Variants in PADI4 observed in about 807,000 individuals in gnomAD.
The protein encoded by PADI4 is peptidyl arginine deiminase 4, also known as protein-arginine deiminase type-4.
In PADI4, 62 loss-of-function variants were observed where a neutral mutation model predicts 75.0. The observed-to-expected ratio is 0.83, with a 90% CI of 0.67 to 1.02. The LOEUF is 1.02. Ranked by LOEUF, PADI4 falls within the 50% of genes least tolerant of loss-of-function variation. PADI4 has a pLI of 0.00. For missense variants in PADI4, 845 were observed against 850.5 expected (o/e 0.99, Z 0.08); for synonymous variants, 361 against 348.1 (o/e 1.04, Z -0.41).
intron 14 of PADI4, among the ~76,000 whole-genome samples, 180 bp from the exon 15 acceptor site, chr1:17,359,100 C>T (rs542300015): frequency 6.6e-6 from 1 of 152,136 alleles, no homozygotes; most frequent in South Asian, 2.1e-4. Flanking sequence ...CCCCAGGGTC[C>T]CCCGAGAGCA....
intron 1 of PADI4, among the ~76,000 whole-genome samples, chr1:17,322,810 TTCC>T (rs1479473144): frequency 1.3e-5 from 2 of 152,156 alleles, no homozygotes; most frequent in East Asian, 3.9e-4. Context: ...CCTTCTTTCT[TTCC>T]TTCTTCTTTC....
intron 1 of PADI4, among the ~76,000 whole-genome samples, chr1:17,327,716 AT>A (rs1302539112): frequency 4.0e-5 from 6 of 149,766 alleles, no homozygotes; most frequent in South Asian, 4.3e-4. Context: ...TAATTTTTGT[AT>A]TTTTTTTTAG....
intron 2 of PADI4, among the ~76,000 whole-genome samples, chr1:17,332,255 T>C (rs1241392204): frequency 4.6e-5 from 7 of 152,142 alleles, no homozygotes; most frequent in Non-Finnish European, 8.8e-5. Context: ...GATCCTTTTT[T>C]ATTTTTTTGA....
At chr1:17,345,951 T>C in intron 8 of PADI4, 77 bp from the exon 9 acceptor site, 3 of 941,910 alleles carry the variant, frequency 3.2e-6, no homozygotes, top group Non-Finnish European at 5.1e-6. Flanking sequence ...CTGAGCCACC[T>C]GTGTGTCCCT....
At chr1:17,345,230 C>T (rs1259296791) in intron 8 of PADI4, among the ~76,000 whole-genome samples, 1 of 152,188 alleles carries the variant, frequency 6.6e-6, no homozygotes, top group Non-Finnish European at 1.5e-5. Flanking sequence ...CAATTTCTCC[C>T]ATTTGGAATG....
intron 13 of PADI4, 130 bp from the exon 14 acceptor site, chr1:17,358,708 C>G (rs2074801549): frequency 4.4e-6 from 3 of 683,918 alleles, no homozygotes; most frequent in East Asian, 2.7e-5. Context: ...CACAGCAAAC[C>G]TGTATGGTAA....
At chr1:17,313,392 T>G (rs1239497097) in intron 1 of PADI4, among the ~76,000 whole-genome samples, 2 of 141,810 alleles carry the variant, frequency 1.4e-5, no homozygotes, top group African/African-American at 5.3e-5. Flanking sequence ...TCCCAGCTAC[T>G]CGGGAGGCTG....
rs776514433 is a variant in PADI4, at chr1:17,331,106, C to A, written c.230C>A (p.Thr77Asn). ...CCCCTGGACCCTGGGGTAGAGGTGA[C>A]CCTGACGATGAAAGTGGCCAGTGGT... ...TWPLDPGVEV[T>N]LTMKVASGST... Residue 77 changes from threonine (T) to asparagine (N), a missense_variant, in exon 2 of 16, where the codon ACC becomes AAC. Coordinates refer to ENST00000375448, the MANE Select transcript of PADI4 (RefSeq NM_012387.3). 13 of 1,612,028 alleles carry A rather than the reference C, an allele frequency of 8.1e-6. No homozygotes were observed. The highest frequency in any genetic ancestry group is 1.7e-5 in the Admixed American group (1 of 59,582).
At position 17,359,298 on chromosome 1, in the gene PADI4, CGCGA is replaced by C. The variant is rs1557584766; in HGVS notation, c.1651_1654del (p.Glu551CysfsTer2). 6.2e-7 allele frequency: 1 copy of C among 1,612,060 alleles called. No homozygotes were observed. The highest frequency in any genetic ancestry group is 1.1e-5 in the South Asian group (1 of 91,010). On this transcript the variant is annotated frameshift_variant, in exon 15 of 16. Coordinates refer to ENST00000375448, the MANE Select transcript of PADI4 (RefSeq NM_012387.3). LOFTEE classifies it high-confidence loss of function. Reference sequence around the variant, plus strand: ...CCCCAAGAGATGCATCGACTGGAACCGCGAGCTGCTGAAGCGGGAGCTGGGCCTG... The same window carrying C: ...CCCCAAGAGATGCATCGACTGGAACCGCTGCTGAAGCGGGAGCTGGGCCTG...
intron 9 of PADI4, among the ~76,000 whole-genome samples, chr1:17,347,696 C>CA (rs1192281546): frequency 6.6e-6 from 1 of 152,178 alleles, no homozygotes; most frequent in Non-Finnish European, 1.5e-5. Context: ...CCAGCACTGG[C>CA]CCAGGCACCA....
intron 5 of PADI4, 74 bp from the exon 6 acceptor site, chr1:17,339,614 G>A: frequency 6.5e-7 from 1 of 1,541,532 alleles, no homozygotes. Flanking sequence ...GCTCCACCAG[G>A]AGGTGAGGTG....
chr1:17,334,056 C>G (rs1344355973), intron 3 of PADI4, 47 bp downstream of exon 3: 2 of 1,133,510 alleles, frequency 1.8e-6, no homozygotes, highest in Non-Finnish European at 2.7e-6. Flanking sequence ...CCCCTGCCCA[C>G]CTCCTAATCC....
rs1331864733 is a variant in PADI4, at chr1:17,358,911, A to G, written c.1629+3A>G. On this transcript the variant is annotated splice_donor_region_variant and intron_variant, in intron 14 of 15. Transcript: ENST00000375448. ...GAGAACATAATTCATTTGTGGAGGT[A>G]GGAGCCTGGGTGCCTACACCCCAGC... 1.2e-6 allele frequency: 2 copies of G among 1,601,054 alleles called. No individual in the cohort carries two copies. Among genetic ancestry groups the G allele is most frequent in the Admixed American group, 1.7e-5 (1 of 59,102 alleles).
At chr1:17,319,989 G>A (rs888442904) in intron 1 of PADI4, among the ~76,000 whole-genome samples, 3 of 152,222 alleles carry the variant, frequency 2.0e-5, no homozygotes, top group African/African-American at 7.2e-5. Flanking sequence ...CATTGCTGCT[G>A]TAACAAATCA....
intron 15 of PADI4, among the ~76,000 whole-genome samples, chr1:17,361,677 T>C (rs1432967271): frequency 1.3e-5 from 2 of 152,188 alleles, no homozygotes; most frequent in African/African-American, 4.8e-5. Context: ...AGAGGGGTGA[T>C]ATGACTTGCC....
Position 17,350,544 on chromosome 1 carries a change from C to T in PADI4, c.1155+2496C>T, listed in dbSNP as rs181174918. On this transcript the variant is annotated intron_variant, in intron 10 of 15. Coordinates refer to ENST00000375448, the MANE Select transcript of PADI4 (RefSeq NM_012387.3). ...AGCTTTCCAACGTTGTGCCTCAGGC[C>T]GCATCACCTGGCATCCATGAGCGTC... 4.7e-4 allele frequency among the ~76,000 whole-genome samples: 61 copies of T among 130,418 alleles called. 6 individuals are homozygous for T. The highest frequency in any genetic ancestry group is 4.2e-3 in the Middle Eastern group (1 of 236). The allele number at this position is 130,418 out of a possible 152,430, so 85.6% of individuals were successfully genotyped here. A position where few individuals can be genotyped will look rare whatever the true frequency, so the allele number is the denominator to read the frequency against.
chr1:17,312,333 G>A (rs1280032419), intron 1 of PADI4, among the ~76,000 whole-genome samples: 2 of 151,890 alleles, frequency 1.3e-5, no homozygotes, highest in South Asian at 2.1e-4. Flanking sequence ...GGTGGCAGAC[G>A]CTTGTAATCC....
At chr1:17,344,694 A>C (rs1044205474) in intron 8 of PADI4, among the ~76,000 whole-genome samples, 48 of 152,234 alleles carry the variant, frequency 3.2e-4, no homozygotes, top group Admixed American at 5.9e-4. Context: ...AAGCCTTGGC[A>C]GCTTCCACAT....
intron 1 of PADI4, among the ~76,000 whole-genome samples, chr1:17,320,664 G>A (rs1013534336): frequency 2.0e-5 from 3 of 152,142 alleles, no homozygotes; most frequent in Non-Finnish European, 2.9e-5. Flanking sequence ...AGTGTATAAC[G>A]AGCAGTGAGG....
Sources: gnomAD v4.1 joint callset for allele counts (sites outside exome capture counted in the v4.1 genomes callset) on GRCh38, gnomAD v4.1.1 for gene constraint, MANE v1.5 for transcripts, NCBI Gene and HGNC (gene_info 2026-07-23, HGNC 2026-07-21) for gene names.